ADAM18: variants seen among roughly 807,000 people sequenced by gnomAD.
ADAM18 encodes disintegrin and metalloproteinase domain-containing protein 18.
Under a neutral mutation model 94.4 loss-of-function variants are expected in ADAM18, and 117 were observed. The ratio of observed to expected loss-of-function variants is 1.24; its 90% confidence interval spans 1.07 to 1.45. ADAM18 has a LOEUF of 1.45. ADAM18 is among the 40% of genes most tolerant of loss of function. The probability of loss-of-function intolerance (pLI) is 0.00; values close to 1 mark genes in which losing one functional copy is unlikely to be tolerated. For synonymous variants in ADAM18, 327 were observed against 291.6 expected, an observed-to-expected ratio of 1.12 and a Z score of -1.24; for missense variants, 936 against 880.0, an observed-to-expected ratio of 1.06 and a Z score of -0.81.
chr8:39,618,338 G>T (rs1252566665), intron 6 of ADAM18, among the ~76,000 whole-genome samples: 2 of 152,138 alleles, frequency 1.3e-5, no homozygotes, highest in Non-Finnish European at 2.9e-5. Flanking sequence ...AAGGGTGGGG[G>T]TAGGTTAGTG....
chr8:39,594,618 T>C (rs1021158184), intron 2 of ADAM18, among the ~76,000 whole-genome samples: 9 of 152,086 alleles, frequency 5.9e-5, no homozygotes, highest in African/African-American at 2.2e-4. Flanking sequence ...GGTCTTTTTT[T>C]TCATCGTATT....
chr8:39,672,384 A>G (rs1245549761), intron 14 of ADAM18, among the ~76,000 whole-genome samples: 1 of 152,210 alleles, frequency 6.6e-6, no homozygotes, highest in African/African-American at 2.4e-5. Flanking sequence ...GTGCTTACCT[A>G]CCAGAAGCCA....
intron 6 of ADAM18, among the ~76,000 whole-genome samples, chr8:39,612,617 T>G (rs12550405): frequency 0.57 from 87,090 of 151,876 alleles, 26,664 homozygotes; most frequent in Non-Finnish European, 0.69. Context: ...TCTAGGTGGC[T>G]TTGGTTTTTG....
At chr8:39,589,728 T>G (rs559304962) in intron 2 of ADAM18, among the ~76,000 whole-genome samples, 1 of 152,216 alleles carries the variant, frequency 6.6e-6, no homozygotes, top group East Asian at 1.9e-4. Flanking sequence ...TTTAAAAATT[T>G]TAAACTTTCA....
Position 39,673,643 on chromosome 8 carries a change from G to A in ADAM18, c.1526-3788G>A, listed in dbSNP as rs112929016. ...CTCTTTCAGTTCTGCTCTGATCTTA[G>A]TTGTTTCTTGCCTTTTGCTAGCTTT... On this transcript the variant is annotated intron_variant, in intron 14 of 19. Transcript: ENST00000265707. Among the ~76,000 whole-genome samples the A allele has an allele frequency of 3.3e-5, 5 of 152,256 alleles. 1 individual carries two copies. The highest frequency in any genetic ancestry group is 1.2e-4 in the African/African-American group (5 of 41,552).
chr8:39,674,402 T>A (rs1312589274), intron 14 of ADAM18, among the ~76,000 whole-genome samples: 1 of 152,204 alleles, frequency 6.6e-6, no homozygotes, highest in Non-Finnish European at 1.5e-5. Flanking sequence ...TCTCTTTTGA[T>A]CTTGGTTTAA....
rs146157421 is a variant in ADAM18, at chr8:39,597,250, C to A, written c.133-9057C>A. 1.5e-3 allele frequency among the ~76,000 whole-genome samples: 225 copies of A among 152,184 alleles called. 1 individual carries two copies. The highest frequency in any genetic ancestry group is 5.3e-3 in the African/African-American group (222 of 41,548). ...TATCTCTTCATATACTTGACAGTGT[C>A]TTTCACAGAGAAGAAATTTTCAGTT... is the stretch of plus-strand genomic sequence containing the variant. On this transcript the variant is annotated intron_variant, in intron 2 of 19. Transcript: ENST00000265707.
intron 12 of ADAM18, among the ~76,000 whole-genome samples, chr8:39,662,800 T>C (rs142361690): frequency 6.6e-6 from 1 of 152,098 alleles, no homozygotes; most frequent in Non-Finnish European, 1.5e-5. Flanking sequence ...AATTTTTGTA[T>C]TTTTAGTAAA....
chr8:39,620,764 C>A (rs1364573535), intron 6 of ADAM18, among the ~76,000 whole-genome samples: 1 of 151,366 alleles, frequency 6.6e-6, no homozygotes, highest in Non-Finnish European at 1.5e-5. Context: ...AAGTCAGACA[C>A]AGAAAGATAA....
At chr8:39,662,850 C>T (rs1317905173) in intron 12 of ADAM18, among the ~76,000 whole-genome samples, 1 of 152,162 alleles carries the variant, frequency 6.6e-6, no homozygotes, top group African/African-American at 2.4e-5. Flanking sequence ...GTCTTGAACT[C>T]CTGACCTCAA....
intron 6 of ADAM18, among the ~76,000 whole-genome samples, chr8:39,619,643 T>G (rs1257969260): frequency 6.6e-6 from 1 of 152,036 alleles, no homozygotes; most frequent in African/African-American, 2.4e-5. Context: ...CCATTTATAA[T>G]ACCTACAAAA....
intron 6 of ADAM18, among the ~76,000 whole-genome samples, chr8:39,612,393 A>G (rs1029793746): frequency 5.9e-5 from 9 of 152,126 alleles, no homozygotes; most frequent in African/African-American, 1.9e-4. Context: ...GTTAAATGTT[A>G]GAGGAGTGGC....
intron 17 of ADAM18, among the ~76,000 whole-genome samples, chr8:39,702,704 C>T (rs936043562): frequency 1.3e-5 from 2 of 152,184 alleles, no homozygotes; most frequent in African/African-American, 4.8e-5. Flanking sequence ...CTGCACATGG[C>T]TAGCCAGTTA....
chr8:39,636,536 A>G (rs917852422), intron 7 of ADAM18, among the ~76,000 whole-genome samples: 1 of 152,126 alleles, frequency 6.6e-6, no homozygotes, highest in African/African-American at 2.4e-5. Flanking sequence ...TTGGCAATTT[A>G]TATCTTCTCT....
chr8:39,604,283 T>A (rs1818997769), intron 2 of ADAM18, among the ~76,000 whole-genome samples: 3 of 152,228 alleles, frequency 2.0e-5, no homozygotes, highest in African/African-American at 7.2e-5. Context: ...TGATAAGCCC[T>A]CATTACGCAT....
chr8:39,629,194 T>C (rs1385152399), intron 6 of ADAM18, among the ~76,000 whole-genome samples, 180 bp from the exon 7 acceptor site: 1 of 152,036 alleles, frequency 6.6e-6, no homozygotes, highest in East Asian at 1.9e-4. Flanking sequence ...AGGTTCATTG[T>C]AAATATTTTA....
chr8:39,714,624 T>G (rs952820738), intron 18 of ADAM18, among the ~76,000 whole-genome samples: 1 of 152,124 alleles, frequency 6.6e-6, no homozygotes, highest in Non-Finnish European at 1.5e-5. Flanking sequence ...AGGCAAAATC[T>G]GATTGATAGA....
chr8:39,676,845 A>G (rs2129580456), intron 14 of ADAM18, among the ~76,000 whole-genome samples: 1 of 152,340 alleles, frequency 6.6e-6, no homozygotes, highest in African/African-American at 2.4e-5. Flanking sequence ...CATAGAGTGG[A>G]TAACAGGATT....
chr8:39,697,562 AT>A (rs1821958280), intron 17 of ADAM18, among the ~76,000 whole-genome samples: 1 of 151,774 alleles, frequency 6.6e-6, no homozygotes. Context: ...AAACACAATA[AT>A]TATTGTTTTC....
Sources: allele counts gnomAD v4.1 joint callset (sites outside exome capture counted in the v4.1 genomes callset), GRCh38; gene constraint gnomAD v4.1.1; transcripts MANE v1.5; gene names NCBI Gene and HGNC (gene_info 2026-07-23, HGNC 2026-07-21).